EDN1: variants seen among roughly 807,000 people sequenced by gnomAD.
The protein encoded by EDN1 is endothelin-1.
In EDN1, 11 loss-of-function variants were observed where a neutral mutation model predicts 21.7. The observed-to-expected ratio is 0.51, with a 90% confidence interval of 0.32 to 0.84. The LOEUF is 0.84. EDN1 is among the 40% of genes least tolerant of loss of function. EDN1 has a pLI of 0.03. For missense variants in EDN1, 244 were observed against 262.3 expected, an observed-to-expected ratio of 0.93 and a Z score of 0.48; for synonymous variants, 85 against 90.6, an observed-to-expected ratio of 0.94 and a Z score of 0.35.
the EDN1 span, among the ~76,000 whole-genome samples, chr6:12,248,864 G>A: frequency 3.9e-5 from 6 of 152,270 alleles, no homozygotes; most frequent in East Asian, 1.2e-3. Flanking sequence ...ACGTGCAAAG[G>A]GAAATGATTA....
the EDN1 span, among the ~76,000 whole-genome samples, chr6:12,262,974 G>GTT: frequency 3.3e-5 from 5 of 152,104 alleles, no homozygotes; most frequent in African/African-American, 1.2e-4. Context: ...CAAAGTGGGT[G>GTT]GTGTTGTGGA....
chr6:12,252,803 C>A, the EDN1 span, among the ~76,000 whole-genome samples: 1 of 151,824 alleles, frequency 6.6e-6, no homozygotes, highest in Non-Finnish European at 1.5e-5. Context: ...CTGCAAGATA[C>A]TAGGTATACA....
the EDN1 span, among the ~76,000 whole-genome samples, chr6:12,264,249 T>C: frequency 6.6e-6 from 1 of 152,110 alleles, no homozygotes; most frequent in East Asian, 1.9e-4. Flanking sequence ...GAGCTTGGAG[T>C]CTAAGAGAGA....
intron 2 of EDN1, among the ~76,000 whole-genome samples, chr6:12,293,514 TA>T (rs1470487198): frequency 1.3e-5 from 2 of 152,146 alleles, no homozygotes; most frequent in Non-Finnish European, 2.9e-5. Flanking sequence ...GAGTTGAAAA[TA>T]AGTTTTAAAA....
chr6:12,246,778 G>A, the EDN1 span, among the ~76,000 whole-genome samples: 2 of 151,812 alleles, frequency 1.3e-5, no homozygotes, highest in African/African-American at 4.8e-5. Flanking sequence ...AGGCCAGAAG[G>A]CCTAAGTCCC....
chr6:12,268,823 T>C, the EDN1 span, among the ~76,000 whole-genome samples: 1 of 152,174 alleles, frequency 6.6e-6, no homozygotes, highest in Non-Finnish European at 1.5e-5. Context: ...CATATGAATT[T>C]TAGGATCAAC....
chr6:12,251,564 CAT>C, the EDN1 span, among the ~76,000 whole-genome samples: 1 of 152,288 alleles, frequency 6.6e-6, no homozygotes, highest in African/African-American at 2.4e-5. Context: ...ACCAATAACT[CAT>C]ATAAATTCTT....
chr6:12,287,359 C>T (rs1302132047), upstream of EDN1, among the ~76,000 whole-genome samples: 2 of 151,950 alleles, frequency 1.3e-5, no homozygotes, highest in Non-Finnish European at 2.9e-5. Flanking sequence ...TTCTTCTCCC[C>T]GCATCTCTGT....
At chr6:12,279,563 T>A in the EDN1 span, among the ~76,000 whole-genome samples, 3 of 152,298 alleles carry the variant, frequency 2.0e-5, no homozygotes, top group African/African-American at 7.2e-5. Context: ...TCAGGGTTGG[T>A]TTAGGATAAA....
chr6:12,263,621 C>G, the EDN1 span, among the ~76,000 whole-genome samples: 1 of 152,152 alleles, frequency 6.6e-6, no homozygotes, highest in Non-Finnish European at 1.5e-5. Context: ...CACCATAAAT[C>G]AACTTGGATG....
At chr6:12,231,672 A>G in the EDN1 span, among the ~76,000 whole-genome samples, 1 of 152,182 alleles carries the variant, frequency 6.6e-6, no homozygotes, top group Non-Finnish European at 1.5e-5. Flanking sequence ...TATTAAACAG[A>G]GAGGAATTGG....
At chr6:12,252,475 G>A in the EDN1 span, among the ~76,000 whole-genome samples, 1 of 152,172 alleles carries the variant, frequency 6.6e-6, no homozygotes, top group Non-Finnish European at 1.5e-5. Flanking sequence ...AAAGAATTGA[G>A]CATTATGAAG....
At chr6:12,241,543 G>C in the EDN1 span, among the ~76,000 whole-genome samples, 1 of 152,078 alleles carries the variant, frequency 6.6e-6, no homozygotes, top group African/African-American at 2.4e-5. Context: ...GGTTTTTATA[G>C]GCCCAGCACT....
chr6:12,262,211 G>A, the EDN1 span, among the ~76,000 whole-genome samples: 1 of 152,348 alleles, frequency 6.6e-6, no homozygotes, highest in East Asian at 1.9e-4. Context: ...TGAAGTGGTA[G>A]GGAAGATGGA....
At chr6:12,281,860 C>T in the EDN1 span, among the ~76,000 whole-genome samples, 5 of 151,998 alleles carry the variant, frequency 3.3e-5, no homozygotes, top group Non-Finnish European at 7.4e-5. Context: ...GAATTTATTA[C>T]TTATTGATTA....
chr6:12,230,986 A>C, the EDN1 span, among the ~76,000 whole-genome samples: 1 of 152,222 alleles, frequency 6.6e-6, no homozygotes. Flanking sequence ...GGAGAAATAT[A>C]ATTCCTTGCA....
chr6:12,247,524 TTTTC>T, the EDN1 span, among the ~76,000 whole-genome samples: 13 of 134,762 alleles, frequency 9.6e-5, no homozygotes, highest in African/African-American at 2.8e-4. Context: ...TTCTTTTTTT[TTTTC>T]TTTCTTTCTT....
the EDN1 span, among the ~76,000 whole-genome samples, chr6:12,276,467 G>T: frequency 6.6e-6 from 1 of 152,162 alleles, no homozygotes; most frequent in Non-Finnish European, 1.5e-5. Flanking sequence ...TTACGCCAAG[G>T]AATTTACAAT....
At position 12,295,556 on chromosome 6, in the gene EDN1, T is replaced by C. The variant is rs1762803116; in HGVS notation, c.534-406T>C. The stretch of plus-strand genomic sequence containing the variant: ...GGGCCTACTGTATGCTTCTTTTCTT[T>C]TTCTCTCTTTTCAACTAAGTCACCG... On this transcript the variant is annotated intron_variant, in intron 4 of 4. Transcript: ENST00000379375. Among the ~76,000 whole-genome samples the C allele has an allele frequency of 2.6e-5, 4 of 152,216 alleles. No individual in the cohort carries two copies. In the South Asian group the frequency reaches 6.2e-4, roughly 24 times the overall value.
Sources: gnomAD v4.1 joint callset for allele counts (sites outside exome capture counted in the v4.1 genomes callset) on GRCh38, gnomAD v4.1.1 for gene constraint, MANE v1.5 for transcripts, NCBI Gene and HGNC (gene_info 2026-07-23, HGNC 2026-07-21) for gene names.